Variants in SIRT1 observed in about 807,000 individuals in gnomAD.
SIRT1 encodes NAD-dependent protein deacetylase sirtuin-1.
SIRT1 carries 24 observed loss-of-function variants against 67.9 expected under a neutral mutation model. The observed-to-expected ratio is 0.35, with a 90% CI of 0.26 to 0.50. The LOEUF (loss-of-function observed/expected upper bound fraction) is 0.50. Ranked by LOEUF, SIRT1 falls within the 20% of genes least tolerant of loss-of-function variation. SIRT1 has a pLI of 0.98. For missense variants in SIRT1, 873 were observed against 937.2 expected (o/e 0.93, Z 0.89); for synonymous variants, 378 against 350.7 (o/e 1.08, Z -0.87).
chr10:67,887,607 G>C (rs868846783), intron 2 of SIRT1, 74 bp downstream of exon 2: 310 of 1,019,988 alleles, frequency 3.0e-4, no homozygotes, highest in Middle Eastern at 2.3e-3. Flanking sequence ...ACAGAGTTTC[G>C]CTCTTGTTGC....
intron 4 of SIRT1, 45 bp from the exon 5 acceptor site, chr10:67,906,745 T>C (rs1842825807): frequency 6.3e-7 from 1 of 1,579,310 alleles, no homozygotes. Context: ...ACATCTGTAG[T>C]TTATTTCACT....
intron 2 of SIRT1, 78 bp from the exon 3 acceptor site, chr10:67,888,803 TA>T: frequency 1.3e-6 from 2 of 1,491,944 alleles, no homozygotes; most frequent in South Asian, 1.4e-5. Context: ...CACAGAATGC[TA>T]ACTCATTACT....
chr10:67,893,415 G>A (rs1185375992), intron 4 of SIRT1, among the ~76,000 whole-genome samples: 1 of 152,052 alleles, frequency 6.6e-6, no homozygotes, highest in Non-Finnish European at 1.5e-5. Flanking sequence ...TTCTGTTCTT[G>A]TGTTAGTTTG....
intron 4 of SIRT1, among the ~76,000 whole-genome samples, chr10:67,904,707 G>T (rs1210095755): frequency 6.6e-6 from 1 of 152,036 alleles, no homozygotes; most frequent in East Asian, 1.9e-4. Context: ...TAGCTGGGGT[G>T]GTGGCACATG....
At chr10:67,898,126 G>A (rs1842687280) in intron 4 of SIRT1, among the ~76,000 whole-genome samples, 2 of 150,882 alleles carry the variant, frequency 1.3e-5, no homozygotes, top group South Asian at 4.2e-4. Flanking sequence ...TGGATGTGGT[G>A]GCGCATGCTG....
rs760375170 is a variant in SIRT1, at chr10:67,887,551, T to A, written c.547+18T>A. ...ACGGATAGGTATGGCTCAGAGCTGT[T>A]AATTTTAGAGAGTAAATGTACGGTT... On this transcript the variant is annotated intron_variant, in intron 2 of 8. Transcript: ENST00000212015. The A allele has an allele frequency of 3.4e-6, 5 of 1,491,080 alleles. No individual in the cohort carries two copies. Among genetic ancestry groups the A allele is most frequent in the Non-Finnish European group, 4.7e-6 (5 of 1,073,058 alleles). The allele number at this position is 1,491,080 out of a possible 1,614,324, so 92.4% of individuals were successfully genotyped here.
At chr10:67,910,590 A>G (rs1242217318) in intron 7 of SIRT1, among the ~76,000 whole-genome samples, 1 of 152,230 alleles carries the variant, frequency 6.6e-6, no homozygotes, top group Admixed American at 6.5e-5. Flanking sequence ...CACATTTAAT[A>G]AATTCAAATG....
intron 4 of SIRT1, 97 bp from the exon 5 acceptor site, chr10:67,906,693 T>G (rs992783942): frequency 2.6e-5 from 31 of 1,200,744 alleles, no homozygotes; most frequent in Non-Finnish European, 3.4e-5. Context: ...ATTTTTAAAA[T>G]TATGTGTGTG....
At chr10:67,897,292 T>G (rs1441789485) in intron 4 of SIRT1, among the ~76,000 whole-genome samples, 1 of 23,572 alleles carries the variant, frequency 4.2e-5, no homozygotes, top group African/African-American at 1.7e-4. Context: ...TGTATTTTGT[T>G]TTTTTTTTTT....
At chr10:67,895,480 A>G (rs1370071638) in intron 4 of SIRT1, among the ~76,000 whole-genome samples, 1 of 152,196 alleles carries the variant, frequency 6.6e-6, no homozygotes, top group East Asian at 1.9e-4. Context: ...GAATTTCTAA[A>G]TATTACAAGA....
At chr10:67,895,747 T>G (rs1842646866) in intron 4 of SIRT1, among the ~76,000 whole-genome samples, 1 of 72,914 alleles carries the variant, frequency 1.4e-5, no homozygotes, top group East Asian at 2.7e-4. Context: ...TTTTTTTTTT[T>G]GTTTTTTTTT....
chr10:67,898,361 A>T (rs1051181239), intron 4 of SIRT1, among the ~76,000 whole-genome samples: 1 of 152,098 alleles, frequency 6.6e-6, no homozygotes, highest in African/African-American at 2.4e-5. Flanking sequence ...TTCCCTAGTG[A>T]TTAAAATACA....
chr10:67,886,168 C>T (rs1316509849), intron 1 of SIRT1, among the ~76,000 whole-genome samples: 1 of 151,906 alleles, frequency 6.6e-6, no homozygotes, highest in African/African-American at 2.4e-5. Flanking sequence ...GTCTTGATTT[C>T]TTGACTTCGT....
chr10:67,885,269 C>T (rs1842457941), intron 1 of SIRT1, 118 bp downstream of exon 1: 3 of 1,246,696 alleles, frequency 2.4e-6, no homozygotes, highest in Non-Finnish European at 3.0e-6. Flanking sequence ...CGTTCCCCTC[C>T]CCACCCCGGC....
chr10:67,895,626 A>G (rs183072169), intron 4 of SIRT1, among the ~76,000 whole-genome samples: 79 of 151,830 alleles, frequency 5.2e-4, no homozygotes, highest in Admixed American at 3.6e-3. Flanking sequence ...AATATTGGTG[A>G]AATTTAGATA....
At chr10:67,890,326 T>C (rs1383251848) in intron 3 of SIRT1, among the ~76,000 whole-genome samples, 2 of 152,280 alleles carry the variant, frequency 1.3e-5, no homozygotes, top group African/African-American at 4.8e-5. Flanking sequence ...AGTGCCAGGA[T>C]TACAGGCGTG....
In SIRT1 at chr10:67,884,671, C is replaced by T. The variant is rs200875461; in HGVS notation, c.-51C>T. ...CCGCGGGGGCGCCAGTGCCGCGCGT[C>T]GAGCGGGAGCAGAGGAGGCGAGGGA... On this transcript the variant is annotated 5_prime_UTR_variant, in exon 1 of 9. Transcript: ENST00000212015. 18 of 1,225,524 alleles carry T rather than the reference C, an allele frequency of 1.5e-5. No individual in the cohort carries two copies. Among genetic ancestry groups the T allele is most frequent in the Non-Finnish European group, 1.6e-5 (16 of 984,078 alleles). The allele number at this position is 1,225,524 out of a possible 1,614,324, so 75.9% of individuals were successfully genotyped here. A position where few individuals can be genotyped will look rare whatever the true frequency, so the allele number is the denominator to read the frequency against.
At chr10:67,898,107 A>G (rs887010831) in intron 4 of SIRT1, among the ~76,000 whole-genome samples, 1 of 151,318 alleles carries the variant, frequency 6.6e-6, no homozygotes, top group Admixed American at 6.6e-5. Context: ...TAAAAATACA[A>G]AAATTAGATG....
At position 67,884,702 on chromosome 10, in the gene SIRT1, GC is replaced by G; in HGVS notation, c.-18del. The G allele has an allele frequency of 8.1e-7, 1 of 1,228,432 alleles. No individual in the cohort carries two copies. Among genetic ancestry groups the G allele is most frequent in the Non-Finnish European group, 1.0e-6 (1 of 985,880 alleles). The allele number at this position is 1,228,432 out of a possible 1,614,324, so 76.1% of individuals were successfully genotyped here. A position where few individuals can be genotyped will look rare whatever the true frequency, so the allele number is the denominator to read the frequency against. Reference sequence around the variant, plus strand: ...GGAGCAGAGGAGGCGAGGGAGGAGGGCCAGAGAGGCAGTTGGAAGATGGCGG... The same window carrying G: ...GGAGCAGAGGAGGCGAGGGAGGAGGGCAGAGAGGCAGTTGGAAGATGGCGG... On this transcript the variant is annotated 5_prime_UTR_variant, in exon 1 of 9. Coordinates refer to ENST00000212015, the MANE Select transcript of SIRT1 (RefSeq NM_012238.5).
Sources: gnomAD v4.1 joint callset for allele counts (sites outside exome capture counted in the v4.1 genomes callset) on GRCh38, gnomAD v4.1.1 for gene constraint, MANE v1.5 for transcripts, NCBI Gene and HGNC (gene_info 2026-07-23, HGNC 2026-07-21) for gene names.